Variants in PRAG1 observed in about 807,000 individuals in gnomAD.
PRAG1 encodes inactive tyrosine-protein kinase PRAG1.
In PRAG1, 110 loss-of-function variants were observed where a neutral mutation model predicts 95.6. That is an observed-to-expected ratio of 1.15 (90% CI 0.99 to 1.35). The LOEUF (loss-of-function observed/expected upper bound fraction) is 1.35, where lower values mean the gene tolerates loss of function less well. PRAG1 is among the 40% of genes most tolerant of loss of function. The pLI is 0.00. For missense variants in PRAG1, 2,554 were observed against 1,864.7 expected (o/e 1.37, Z -6.81); for synonymous variants, 1,052 against 819.4 (o/e 1.28, Z -4.85).
At chr8:8,372,649 T>G (rs1450290227) in intron 3 of PRAG1, among the ~76,000 whole-genome samples, 1 of 152,248 alleles carries the variant, frequency 6.6e-6, no homozygotes, top group Non-Finnish European at 1.5e-5. Flanking sequence ...GCCTTTCTCC[T>G]GCAGGGCACT....
intron 4 of PRAG1, among the ~76,000 whole-genome samples, chr8:8,338,228 T>C (rs1465953236): frequency 2.6e-5 from 4 of 152,238 alleles, no homozygotes; most frequent in Non-Finnish European, 4.4e-5. Context: ...TTTAACCTTA[T>C]CTTTCCTAGT....
At chr8:8,327,323 A>G (rs1798661550) in intron 5 of PRAG1, among the ~76,000 whole-genome samples, 1 of 152,170 alleles carries the variant, frequency 6.6e-6, no homozygotes, top group Non-Finnish European at 1.5e-5. Flanking sequence ...TAATCCCAGC[A>G]TTTTGGGAGG....
chr8:8,374,901 G>A (rs774761039), intron 3 of PRAG1, among the ~76,000 whole-genome samples: 7 of 152,074 alleles, frequency 4.6e-5, no homozygotes, highest in Non-Finnish European at 7.4e-5. Context: ...CAGCCCAGAG[G>A]CACATCAGCT....
At chr8:8,372,689 G>A (rs1474312714) in intron 3 of PRAG1, among the ~76,000 whole-genome samples, 3 of 152,210 alleles carry the variant, frequency 2.0e-5, no homozygotes, top group Admixed American at 2.0e-4. Context: ...GAACACGAAT[G>A]GGAGTTTACA....
intron 5 of PRAG1, among the ~76,000 whole-genome samples, chr8:8,325,953 G>T (rs1798625005): frequency 6.7e-6 from 1 of 150,118 alleles, no homozygotes; most frequent in Admixed American, 6.7e-5. Flanking sequence ...AAAAAAGTTT[G>T]TCCCAAGGGC....
In PRAG1 at chr8:8,328,237, G is replaced by A. The variant is rs769135662; in HGVS notation, c.2545C>T (p.Leu849=). 1.2e-6 allele frequency: 2 copies of A among 1,614,244 alleles called. No individual in the cohort carries two copies. The highest frequency in any genetic ancestry group is 1.7e-6 in the Non-Finnish European group (2 of 1,180,046). Residue 849 remains leucine, a synonymous_variant, in exon 5 of 6, where the codon CTA becomes TTA. Transcript: ENST00000615670. ...KPGTASPKLN[L]SHSETNVHDE... Reference sequence around the variant, plus strand: ...TGGACGTTGGTTTCCGAGTGGCTTAGGTTCAGCTTGGGGCTTGCTGTTCCG... The same window carrying A: ...TGGACGTTGGTTTCCGAGTGGCTTAAGTTCAGCTTGGGGCTTGCTGTTCCG...
chr8:8,342,515 T>A (rs1799206912), intron 3 of PRAG1, among the ~76,000 whole-genome samples: 1 of 152,134 alleles, frequency 6.6e-6, no homozygotes, highest in Non-Finnish European at 1.5e-5. Context: ...GTAATTTTTA[T>A]AAGAGAAACA....
intron 3 of PRAG1, among the ~76,000 whole-genome samples, chr8:8,347,681 G>A (rs895114405): frequency 6.6e-5 from 10 of 152,086 alleles, no homozygotes; most frequent in Admixed American, 3.3e-4. Flanking sequence ...GCATTAAGCC[G>A]ACTCTGTGCC....
In PRAG1 at chr8:8,338,728, G is replaced by A. The variant is rs552969747; in HGVS notation, c.2320+750C>T. On this transcript the variant is annotated intron_variant, in intron 4 of 5. Transcript: ENST00000615670. ...AATTTGCAATGGAACCCTCTACTGTGTCATTGCCTATTGAGAAGAAATATT... is the reference window on the plus strand; with the variant it reads ...AATTTGCAATGGAACCCTCTACTGTATCATTGCCTATTGAGAAGAAATATT... Among the ~76,000 whole-genome samples the A allele has an allele frequency of 3.9e-5, 6 of 152,278 alleles. No individual in the cohort carries two copies. In the South Asian group the frequency reaches 1.0e-3, roughly 26 times the overall value.
chr8:8,353,000 T>G (rs1234851855), intron 3 of PRAG1, among the ~76,000 whole-genome samples: 1 of 152,014 alleles, frequency 6.6e-6, no homozygotes, highest in Non-Finnish European at 1.5e-5. Flanking sequence ...ATAAAGGGGG[T>G]GATTTATCAA....
At chr8:8,329,930 G>A (rs899490245) in intron 4 of PRAG1, among the ~76,000 whole-genome samples, 3 of 152,200 alleles carry the variant, frequency 2.0e-5, no homozygotes, top group African/African-American at 4.8e-5. Flanking sequence ...CAACGCTGAC[G>A]GGAGGACAAA....
intron 3 of PRAG1, among the ~76,000 whole-genome samples, chr8:8,350,287 AGCTGCT>A: frequency 6.6e-6 from 1 of 152,138 alleles, no homozygotes. Context: ...AGGGAGATGG[AGCTGCT>A]GATGAGCAGG....
intron 5 of PRAG1, among the ~76,000 whole-genome samples, chr8:8,319,761 A>G (rs1798415917): frequency 6.6e-6 from 1 of 152,224 alleles, no homozygotes; most frequent in South Asian, 2.1e-4. Context: ...AAACAAACAA[A>G]CAAACAAAAA....
chr8:8,370,628 G>A (rs1047685344), intron 3 of PRAG1, among the ~76,000 whole-genome samples: 1 of 152,180 alleles, frequency 6.6e-6, no homozygotes, highest in Non-Finnish European at 1.5e-5. Context: ...CACATTGGAA[G>A]CTCTAATCAG....
intron 3 of PRAG1, among the ~76,000 whole-genome samples, chr8:8,370,424 T>C (rs1800153708): frequency 6.6e-6 from 1 of 152,228 alleles, no homozygotes; most frequent in South Asian, 2.1e-4. Context: ...CCAGCCTACT[T>C]ATTTAAGTTT....
At chr8:8,325,161 G>T (rs1401542764) in intron 5 of PRAG1, among the ~76,000 whole-genome samples, 1 of 152,192 alleles carries the variant, frequency 6.6e-6, no homozygotes, top group African/African-American at 2.4e-5. Context: ...ACTGTATTTC[G>T]TCTAGACTGG....
chr8:8,326,764 C>T (rs938624412), intron 5 of PRAG1, among the ~76,000 whole-genome samples: 1 of 152,172 alleles, frequency 6.6e-6, no homozygotes, highest in African/African-American at 2.4e-5. Context: ...GCTTTGGAGA[C>T]AGACACAGAA....
chr8:8,342,474 G>A (rs1468936212), intron 3 of PRAG1, among the ~76,000 whole-genome samples: 1 of 152,116 alleles, frequency 6.6e-6, no homozygotes, highest in Non-Finnish European at 1.5e-5. Context: ...GGGATTACAG[G>A]AGTGAGCCAC....
chr8:8,385,768 A>G (rs1213601730), intron 1 of PRAG1, among the ~76,000 whole-genome samples: 1 of 152,002 alleles, frequency 6.6e-6, no homozygotes, highest in Non-Finnish European at 1.5e-5. Flanking sequence ...GATACCAGCA[A>G]AGGTTAATAA....
Sources: gnomAD v4.1 joint callset for allele counts (sites outside exome capture counted in the v4.1 genomes callset) on GRCh38, gnomAD v4.1.1 for gene constraint, MANE v1.5 for transcripts, NCBI Gene and HGNC (gene_info 2026-07-23, HGNC 2026-07-21) for gene names.